The following ADNP2 variants were observed in gnomAD, a reference collection of about 807,000 sequenced individuals.
ADNP2 encodes activity-dependent neuroprotector homeobox protein 2.
ADNP2 carries 8 observed loss-of-function variants against 16.4 expected under a neutral mutation model. The ratio of observed to expected loss-of-function variants is 0.49; its 90% CI spans 0.29 to 0.88. ADNP2 has a LOEUF of 0.88. ADNP2 is among the 40% of genes least tolerant of loss of function. The pLI, the probability that ADNP2 is intolerant of heterozygous loss-of-function variation, is 0.09. For missense variants in ADNP2, 1,397 were observed against 1,395.1 expected (o/e 1.00, Z -0.02); for synonymous variants, 637 against 545.8 (o/e 1.17, Z -2.33).
chr18:80,138,867 A>G lies in ADNP2; in HGVS notation c.*58A>G. ...GTAGTAGGTAGATTTTTTTCAGTTG[A>G]AATTTCACAGTGTTGTCCTCACTGT... On this transcript the variant is annotated 3_prime_UTR_variant, in exon 4 of 4. Transcript: ENST00000262198. 1.4e-6 allele frequency: 2 copies of G among 1,382,774 alleles called. No homozygotes were observed. The highest frequency in any genetic ancestry group is 1.9e-6 in the Non-Finnish European group (2 of 1,050,344). 85.7% of individuals were successfully genotyped at this position (1,382,774 alleles called of 1,614,324 possible).
At chr18:80,109,606 C>A (rs2052343554) in intron 1 of ADNP2, 134 bp downstream of exon 1, 1 of 149,188 alleles carries the variant, frequency 6.7e-6, no homozygotes, top group South Asian at 2.0e-4. Context: ...CGCCGCCTGC[C>A]CTCGCGCCGC....
chr18:80,137,040 C>G lies in ADNP2; in HGVS notation c.1627C>G (p.Leu543Val), dbSNP rs777003101. ...PVNQGVNSGV[L>V]QLSQPVVSGV... The stretch of plus-strand genomic sequence containing the variant: ...AAACCAGGGTGTGAATTCTGGTGTT[C>G]TGCAGCTTAGTCAGCCTGTTGTGTC... The change falls in exon 4 of 4, where the codon CTG becomes GTG. Residue 543 changes from leucine (L) to valine (V), a missense_variant. Leu to Val is a conservative substitution (Grantham distance 32). This residue lies in a region of ADNP2 where 777 missense variants were observed against 719.4 expected (regional missense o/e 1.08). Transcript: ENST00000262198. This position sits in a 1 kb window ranked among gnomAD's most constrained non-coding sequence, Gnocchi z 4.2. 3 of 1,614,052 alleles carry G rather than the reference C, an allele frequency of 1.9e-6. No homozygotes were observed. The Admixed American group carries it at 5.0e-5, about 27-fold the overall frequency.
chr18:80,137,782 G>C lies in ADNP2; in HGVS notation c.2369G>C (p.Arg790Thr). 1 of 1,614,210 alleles carries C rather than the reference G, an allele frequency of 6.2e-7. No individual in the cohort carries two copies. Among genetic ancestry groups the C allele is most frequent in the Non-Finnish European group, 8.5e-7 (1 of 1,180,042 alleles). Residue 790 changes from arginine to threonine, a missense_variant, in exon 4 of 4, where the codon AGG (arginine) becomes ACG (threonine). Arg to Thr is a moderately conservative substitution (Grantham distance 71, BLOSUM62 -1). Around this residue, in one of 3 missense-constraint regions of ADNP2, gnomAD observed 611 missense variants for 648.7 expected, o/e 0.94. Coordinates refer to ENST00000262198, the MANE Select transcript of ADNP2 (RefSeq NM_014913.4). The surrounding 1 kb of genome is among the most constrained non-coding windows in gnomAD (Gnocchi z 4.2). ...ATCAAAGGTCTTTCAGAGCACAGCA[G>C]GAATAGGCACCTGGGGAAGAAGAAG... ...HDIKGLSEHSRNRHLGKKKLP... is the reference protein window; with the variant it reads ...HDIKGLSEHSTNRHLGKKKLP...
intron 2 of ADNP2, among the ~76,000 whole-genome samples, chr18:80,125,533 C>G (rs2052452525): frequency 6.6e-6 from 1 of 152,130 alleles, no homozygotes. Context: ...GTCCCAGCTA[C>G]TCAGGTGGCT....
At chr18:80,134,537 G>T (rs1359326934) in intron 3 of ADNP2, among the ~76,000 whole-genome samples, 2 of 151,994 alleles carry the variant, frequency 1.3e-5, no homozygotes, top group East Asian at 3.9e-4. Context: ...TAGCTTCCTT[G>T]TTTGTGGAAC....
Position 80,136,439 on chromosome 18 carries a change from G to C in ADNP2, c.1026G>C (p.Gln342His). 6.2e-7 allele frequency: 1 copy of C among 1,614,136 alleles called. No individual in the cohort carries two copies. The highest frequency in any genetic ancestry group is 2.2e-5 in the East Asian group (1 of 44,880). ...TCTCCAGCCCTCTGCCTGTGGGCCA[G>C]AACAGCCTCACCCTGCAGCCCCCAG... Reference protein sequence around the residue: ...TLVSSPLPVGQNSLTLQPPAP... With the variant: ...TLVSSPLPVGHNSLTLQPPAP... The change falls in exon 4 of 4, where the codon CAG (glutamine) becomes CAC (histidine). Residue 342 changes from glutamine (Q) to histidine (H), a missense_variant. By Grantham distance (24) the Gln-to-His change is conservative. Transcript: ENST00000262198.
chr18:80,135,641 C>T lies in ADNP2; in HGVS notation c.228C>T (p.Gly76=), dbSNP rs2052526619. ...VRYRTKPYCC[G]LCKYSTKVLT... ...ATCGAACAAAGCCATACTGTTGTGGCCTCTGTAAATACTCTACAAAGGTGC... is the reference window on the plus strand; with the variant it reads ...ATCGAACAAAGCCATACTGTTGTGGTCTCTGTAAATACTCTACAAAGGTGC... The change falls in exon 4 of 4, where the codon GGC becomes GGT. Residue 76 remains glycine, a synonymous_variant. Coordinates refer to ENST00000262198, the MANE Select transcript of ADNP2 (RefSeq NM_014913.4). 1 of 1,614,072 alleles carries T rather than the reference C, an allele frequency of 6.2e-7. No individual in the cohort carries two copies. The highest frequency in any genetic ancestry group is 8.5e-7 in the Non-Finnish European group (1 of 1,179,950).
chr18:80,132,694 CCTCCCCT>C (rs560073097), intron 2 of ADNP2, among the ~76,000 whole-genome samples: 83 of 149,490 alleles, frequency 5.6e-4, no homozygotes, highest in African/African-American at 1.6e-3. Flanking sequence ...TCTCCTCTCC[CCTCCCCT>C]CTCCCCTCTC....
chr18:80,128,360 G>T (rs2052473903), intron 2 of ADNP2, among the ~76,000 whole-genome samples: 1 of 152,148 alleles, frequency 6.6e-6, no homozygotes, highest in Admixed American at 6.6e-5. Flanking sequence ...AGAAATCTTT[G>T]TAATAACTTG....
In ADNP2 at chr18:80,136,923, G is replaced by A; in HGVS notation, c.1510G>A (p.Ala504Thr). The part of the protein sequence containing the change: ...PSRVLPPGQT[A>T]PLRVISAGQV... ...ACGGGTTCTTCCCCCAGGCCAGACA[G>A]CCCCATTGAGGGTTATCTCTGCAGG... Residue 504 changes from alanine to threonine, a missense_variant, in exon 4 of 4, where the codon GCC (alanine) becomes ACC (threonine). Around this residue, in one of 3 missense-constraint regions of ADNP2, gnomAD observed 777 missense variants for 719.4 expected, o/e 1.08. Transcript: ENST00000262198. The A allele has an allele frequency of 1.2e-6, 2 of 1,614,152 alleles. No individual in the cohort carries two copies. The highest frequency in any genetic ancestry group is 3.3e-4 in the Middle Eastern group (2 of 6,062).
chr18:80,113,024 A>C (rs1294331488), intron 1 of ADNP2, among the ~76,000 whole-genome samples: 1 of 152,112 alleles, frequency 6.6e-6, no homozygotes, highest in East Asian at 1.9e-4. Flanking sequence ...CAGCTAACAA[A>C]ATTTTCGTTG....
intron 2 of ADNP2, among the ~76,000 whole-genome samples, chr18:80,129,882 A>G (rs1466003133): frequency 6.6e-6 from 1 of 152,180 alleles, no homozygotes; most frequent in African/African-American, 2.4e-5. Flanking sequence ...TGTCACATGT[A>G]GATTGTTAGC....
chr18:80,127,131 G>T (rs1029931408), intron 2 of ADNP2, among the ~76,000 whole-genome samples: 1 of 152,084 alleles, frequency 6.6e-6, no homozygotes, highest in Non-Finnish European at 1.5e-5. Context: ...CCAACTTCCT[G>T]TACCAAATCT....
At position 80,136,381 on chromosome 18, in the gene ADNP2, C is replaced by G. The variant is rs772219584; in HGVS notation, c.968C>G (p.Pro323Arg). ...QGAPGSLTHS[P>R]PAAGQSHMTL... ...GCCCCTGGAAGCCTCACTCATTCCCCCCCTGCTGCTGGCCAATCCCACATG... is the reference window on the plus strand; with the variant it reads ...GCCCCTGGAAGCCTCACTCATTCCCGCCCTGCTGCTGGCCAATCCCACATG... Residue 323 changes from proline (P) to arginine (R), a missense_variant, in exon 4 of 4, where the codon CCC becomes CGC. By Grantham distance (103) the Pro-to-Arg change is moderately radical. Transcript: ENST00000262198. 3 of 1,614,240 alleles carry G rather than the reference C, an allele frequency of 1.9e-6. No homozygotes were observed. The highest frequency in any genetic ancestry group is 1.1e-5 in the South Asian group (1 of 91,086).
At chr18:80,115,419 G>A (rs2052382800) in intron 1 of ADNP2, among the ~76,000 whole-genome samples, 1 of 152,150 alleles carries the variant, frequency 6.6e-6, no homozygotes, top group Non-Finnish European at 1.5e-5. Flanking sequence ...CTACTGGGGT[G>A]TATAACTGCA....
chr18:80,129,523 C>T (rs2052482775), intron 2 of ADNP2, among the ~76,000 whole-genome samples: 2 of 152,178 alleles, frequency 1.3e-5, no homozygotes, highest in Admixed American at 6.5e-5. Context: ...TCTTGTCCTG[C>T]AGAGATGCCC....
intron 1 of ADNP2, among the ~76,000 whole-genome samples, chr18:80,116,043 G>A (rs1265828423): frequency 2.0e-5 from 3 of 152,170 alleles, no homozygotes; most frequent in Admixed American, 6.5e-5. Context: ...GGGATTACAG[G>A]TGTGAGCCAC....
chr18:80,131,903 A>G (rs2052499195), intron 2 of ADNP2, among the ~76,000 whole-genome samples: 1 of 152,150 alleles, frequency 6.6e-6, no homozygotes, highest in Non-Finnish European at 1.5e-5. Context: ...AATGTAAATG[A>G]CGAGTTATAA....
At position 80,119,309 on chromosome 18, in the gene ADNP2, G is replaced by A. The variant is rs552014555; in HGVS notation, c.108+1659G>A. The stretch of plus-strand genomic sequence containing the variant: ...GAGATTTATTGGAAGCCTCTTGGGG[G>A]GCTTAGGCAGGAGAATGGCATGTAC... On this transcript the variant is annotated intron_variant, in intron 2 of 3. Coordinates refer to ENST00000262198, the MANE Select transcript of ADNP2 (RefSeq NM_014913.4). 3.9e-5 allele frequency among the ~76,000 whole-genome samples: 6 copies of A among 152,076 alleles called. No individual in the cohort carries two copies. In the South Asian group the frequency reaches 1.0e-3, roughly 26 times the overall value.
Sources: allele counts gnomAD v4.1 joint callset (sites outside exome capture counted in the v4.1 genomes callset), GRCh38; gene constraint gnomAD v4.1.1; regional missense constraint gnomAD v4.1.1; non-coding constraint Gnocchi (gnomAD v3.1); transcripts MANE v1.5; gene names NCBI Gene and HGNC (gene_info 2026-07-23, HGNC 2026-07-21).